The following SUPT3H variants were observed in gnomAD, a reference collection of about 807,000 sequenced individuals.
SUPT3H encodes SPT3 homolog, SAGA and STAGA complex component.
Under a neutral mutation model 44.3 loss-of-function variants are expected in SUPT3H, and 44 were observed. The ratio of observed to expected loss-of-function variants is 0.99; its 90% CI spans 0.78 to 1.28. The LOEUF is 1.28. Among genes scored for constraint, SUPT3H ranks in the 50% most tolerant of loss-of-function variants. SUPT3H has a pLI of 0.00. For missense variants in SUPT3H, 380 were observed against 387.1 expected, an observed-to-expected ratio of 0.98 and a Z score of 0.15; for synonymous variants, 124 against 125.6, an observed-to-expected ratio of 0.99 and a Z score of 0.09.
intron 10 of SUPT3H, among the ~76,000 whole-genome samples, chr6:44,897,945 A>G (rs1040178023): frequency 6.6e-6 from 1 of 152,208 alleles, no homozygotes; most frequent in African/African-American, 2.4e-5. Context: ...TTATACAATT[A>G]TATAAGACAT....
At chr6:45,013,976 G>T (rs1783863404) in intron 5 of SUPT3H, among the ~76,000 whole-genome samples, 1 of 152,030 alleles carries the variant, frequency 6.6e-6, no homozygotes, top group African/African-American at 2.4e-5. Flanking sequence ...CCTGCTTGCT[G>T]TACGTGCTTA....
chr6:45,210,975 CTCTTTCAA>C (rs1303308337), intron 2 of SUPT3H, among the ~76,000 whole-genome samples: 6 of 152,148 alleles, frequency 3.9e-5, no homozygotes, highest in Non-Finnish European at 2.9e-5. Flanking sequence ...CTGAACAAGC[CTCTTTCAA>C]GCACCAGTCC....
chr6:45,153,838 C>T (rs914650975), intron 2 of SUPT3H, among the ~76,000 whole-genome samples: 10 of 152,008 alleles, frequency 6.6e-5, no homozygotes, highest in Admixed American at 6.6e-5. Context: ...GAGGCTGAGG[C>T]GGGTGGATCA....
chr6:45,015,691 A>G (rs1033944025), intron 4 of SUPT3H, among the ~76,000 whole-genome samples: 1 of 151,858 alleles, frequency 6.6e-6, no homozygotes, highest in African/African-American at 2.4e-5. Context: ...AATTGTACAA[A>G]AACGTTTTTC....
At chr6:44,936,619 A>G (rs930287384) in intron 9 of SUPT3H, among the ~76,000 whole-genome samples, 2 of 152,210 alleles carry the variant, frequency 1.3e-5, no homozygotes, top group African/African-American at 2.4e-5. Context: ...GCTGTTTCAC[A>G]TAAGATGATT....
chr6:45,111,046 T>C (rs1309376567), intron 2 of SUPT3H, among the ~76,000 whole-genome samples: 3 of 151,498 alleles, frequency 2.0e-5, no homozygotes, highest in Admixed American at 2.0e-4. Context: ...TTTTTTTTTT[T>C]TTTTGAGACA....
chr6:44,859,842 C>A (rs1261409798), intron 10 of SUPT3H, among the ~76,000 whole-genome samples: 2 of 152,094 alleles, frequency 1.3e-5, no homozygotes, highest in African/African-American at 4.8e-5. Flanking sequence ...CATTTCTTGT[C>A]CTTACAATAT....
rs554311225 is a variant in SUPT3H, at chr6:44,924,273, T to A, written c.912+8380A>T. Among the ~76,000 whole-genome samples the A allele has an allele frequency of 2.6e-5, 4 of 152,200 alleles. No individual in the cohort carries two copies. In the East Asian group the frequency reaches 7.7e-4, roughly 29 times the overall value. On this transcript the variant is annotated intron_variant, in intron 10 of 10. Transcript: ENST00000371459. ...GCACATTATTAAAAACGGCTGTATT[T>A]TGAATCAAACTCTTTTCAATGCTGT... is the stretch of plus-strand genomic sequence containing the variant.
chr6:45,372,763 A>G (rs1796261200), intron 1 of SUPT3H, among the ~76,000 whole-genome samples: 1 of 151,960 alleles, frequency 6.6e-6, no homozygotes, highest in Admixed American at 6.6e-5. Flanking sequence ...GGCTCAAGCA[A>G]TCCTCCCACC....
At chr6:44,941,994 A>T (rs944825104) in intron 9 of SUPT3H, among the ~76,000 whole-genome samples, 5 of 152,176 alleles carry the variant, frequency 3.3e-5, no homozygotes, top group African/African-American at 1.2e-4. Flanking sequence ...ATACAGACAT[A>T]GACTGGGATA....
At chr6:45,253,410 G>A (rs568419664) in intron 2 of SUPT3H, among the ~76,000 whole-genome samples, 10 of 152,214 alleles carry the variant, frequency 6.6e-5, no homozygotes, top group African/African-American at 2.4e-4. Context: ...AGTGCCCTCC[G>A]AAGAAAACAG....
intron 6 of SUPT3H, among the ~76,000 whole-genome samples, chr6:44,983,624 T>C (rs957503314): frequency 1.3e-5 from 2 of 152,114 alleles, no homozygotes; most frequent in Non-Finnish European, 1.5e-5. Context: ...CAAATGAAAA[T>C]GGACTTGGGG....
intron 6 of SUPT3H, among the ~76,000 whole-genome samples, chr6:45,000,029 C>T (rs2153504009): frequency 6.6e-6 from 1 of 151,748 alleles, no homozygotes; most frequent in East Asian, 1.9e-4. Context: ...ATAGTGTATA[C>T]ATGTATGTAC....
chr6:44,833,568 A>G (rs1015940571), intron 10 of SUPT3H, among the ~76,000 whole-genome samples: 1 of 152,156 alleles, frequency 6.6e-6, no homozygotes, highest in Non-Finnish European at 1.5e-5. Flanking sequence ...TTCGAAAGGC[A>G]TGAGATTTGT....
chr6:45,349,612 G>A (rs991546366), intron 2 of SUPT3H, among the ~76,000 whole-genome samples: 4 of 152,154 alleles, frequency 2.6e-5, no homozygotes, highest in Admixed American at 6.5e-5. Context: ...ACTAAGGTTT[G>A]GGAACCATTG....
At chr6:45,099,814 T>C (rs915881090) in intron 3 of SUPT3H, among the ~76,000 whole-genome samples, 14 of 152,090 alleles carry the variant, frequency 9.2e-5, no homozygotes, top group Non-Finnish European at 1.9e-4. Flanking sequence ...AAAAATGAAA[T>C]GATGACCTCA....
intron 3 of SUPT3H, among the ~76,000 whole-genome samples, chr6:45,090,703 A>G (rs1000680289): frequency 2.0e-5 from 3 of 152,002 alleles, no homozygotes; most frequent in Non-Finnish European, 4.4e-5. Context: ...TTAGAAAAAA[A>G]GGCAATATTT....
At position 45,021,677 on chromosome 6, in the gene SUPT3H, C is replaced by T. The variant is rs559955406; in HGVS notation, c.187-1045G>A. ...TTGAGAACTAATCTTTAAAATGTGA[C>T]ACACTATTATCTCAACAAATATATG... On this transcript the variant is annotated intron_variant, in intron 3 of 10. Transcript: ENST00000371459. Among the ~76,000 whole-genome samples, 99 of 152,058 alleles carry T rather than the reference C, an allele frequency of 6.5e-4. No individual in the cohort carries two copies. The Middle Eastern group carries it at 0.01, about 16-fold the overall frequency.
At chr6:44,946,446 A>T (rs1015239995) in intron 9 of SUPT3H, among the ~76,000 whole-genome samples, 1 of 152,242 alleles carries the variant, frequency 6.6e-6, no homozygotes, top group Non-Finnish European at 1.5e-5. Flanking sequence ...CATGCCATTA[A>T]GAACATCTGT....
Sources: gnomAD v4.1 joint callset for allele counts (sites outside exome capture counted in the v4.1 genomes callset) on GRCh38, gnomAD v4.1.1 for gene constraint, MANE v1.5 for transcripts, NCBI Gene and HGNC (gene_info 2026-07-23, HGNC 2026-07-21) for gene names.